QSOX1: variants seen among roughly 807,000 people sequenced by gnomAD.
The protein encoded by QSOX1 is quiescin sulfhydryl oxidase 1.
QSOX1 carries 40 observed loss-of-function variants against 76.1 expected under a neutral mutation model. That is an observed-to-expected ratio of 0.53 (90% CI 0.41 to 0.68). The LOEUF (loss-of-function observed/expected upper bound fraction) is 0.68, where lower values mean the gene tolerates loss of function less well. QSOX1 is among the 30% of genes least tolerant of loss of function. The pLI is 0.00. For missense variants in QSOX1, 931 were observed against 974.3 expected, an observed-to-expected ratio of 0.96 and a Z score of 0.59; for synonymous variants, 392 against 413.1, an observed-to-expected ratio of 0.95 and a Z score of 0.62.
At chr1:180,172,140 C>G (rs980789013) in intron 2 of QSOX1, among the ~76,000 whole-genome samples, 1 of 152,148 alleles carries the variant, frequency 6.6e-6, no homozygotes, top group Non-Finnish European at 1.5e-5. Flanking sequence ...AGGAGGGCCT[C>G]TCTTCATCCC....
chr1:180,167,168 C>T (rs1264556783), intron 2 of QSOX1, among the ~76,000 whole-genome samples: 1 of 152,208 alleles, frequency 6.6e-6, no homozygotes, highest in East Asian at 1.9e-4. Context: ...GAACAGCTTC[C>T]AAGGCTCTCA....
intron 1 of QSOX1, among the ~76,000 whole-genome samples, chr1:180,156,998 C>A (rs538118043): frequency 1.3e-4 from 20 of 152,314 alleles, no homozygotes; most frequent in African/African-American, 4.8e-4. Context: ...TGGCCTCTTG[C>A]AATGCAGAGT....
intron 7 of QSOX1, among the ~76,000 whole-genome samples, chr1:180,185,723 C>T (rs895176566): frequency 3.9e-5 from 6 of 152,146 alleles, no homozygotes; most frequent in Admixed American, 1.3e-4. Flanking sequence ...GGAGGGGTGG[C>T]TGTGGGCCTG....
chr1:180,183,524 G>A (rs1663091278), intron 6 of QSOX1, among the ~76,000 whole-genome samples: 1 of 152,214 alleles, frequency 6.6e-6, no homozygotes, highest in African/African-American at 2.4e-5. Flanking sequence ...TGGATGGGCA[G>A]CTGCCATATT....
chr1:180,197,052 A>G lies in QSOX1; in HGVS notation c.*15A>G. On this transcript the variant is annotated 3_prime_UTR_variant, in exon 12 of 12. Transcript: ENST00000367602. The stretch of plus-strand genomic sequence containing the variant: ...CTGCAGCCTGAACCACCTGGGGAGG[A>G]GGCGGGAGAGGGAGCTGCCATCTCT... 1 of 1,591,588 alleles carries G rather than the reference A, an allele frequency of 6.3e-7. No homozygotes were observed. The highest frequency in any genetic ancestry group is 8.6e-7 in the Non-Finnish European group (1 of 1,169,490).
intron 1 of QSOX1, among the ~76,000 whole-genome samples, chr1:180,160,611 A>G (rs543846753): frequency 6.6e-6 from 1 of 152,298 alleles, no homozygotes; most frequent in East Asian, 1.9e-4. Context: ...TTCTAACTAC[A>G]GCATTATCCT....
intron 5 of QSOX1, among the ~76,000 whole-genome samples, chr1:180,180,911 A>G (rs999493997): frequency 3.3e-5 from 5 of 152,198 alleles, no homozygotes; most frequent in Non-Finnish European, 7.3e-5. Context: ...TTCTCAGAAC[A>G]GCCCCCCTGA....
intron 2 of QSOX1, among the ~76,000 whole-genome samples, chr1:180,171,602 C>T (rs1053403934): frequency 2.6e-5 from 4 of 152,170 alleles, no homozygotes; most frequent in African/African-American, 9.7e-5. Context: ...GTTCATTGAT[C>T]CCTTTATCCA....
intron 1 of QSOX1, among the ~76,000 whole-genome samples, chr1:180,159,934 T>C (rs960692954): frequency 5.3e-5 from 8 of 152,222 alleles, no homozygotes; most frequent in African/African-American, 1.9e-4. Context: ...CTACTCTCAG[T>C]AATCATCGTT....
intron 2 of QSOX1, among the ~76,000 whole-genome samples, chr1:180,170,646 C>T (rs977839254): frequency 6.6e-6 from 1 of 152,218 alleles, no homozygotes; most frequent in African/African-American, 2.4e-5. Context: ...AAGCAACACA[C>T]TCCCAGAGTC....
intron 10 of QSOX1, among the ~76,000 whole-genome samples, chr1:180,193,274 C>G (rs1293177957): frequency 6.6e-6 from 1 of 151,916 alleles, no homozygotes; most frequent in Non-Finnish European, 1.5e-5. Flanking sequence ...GTAACCCGAG[C>G]AGCAGCGGAG....
Position 180,200,741 on chromosome 1 carries a change from C to G in QSOX1, c.*3704C>G, listed in dbSNP as rs766674424. ...TTCTCCCAAATGGTGAGAGGTAGAT[C>G]CAGGACTTGACCCCAGATCCCACCC... On this transcript the variant is annotated 3_prime_UTR_variant, in exon 12 of 12. Coordinates refer to ENST00000367602, the MANE Select transcript of QSOX1 (RefSeq NM_002826.5). 2.0e-5 allele frequency: 3 copies of G among 152,202 alleles called. No individual in the cohort carries two copies. Among genetic ancestry groups the G allele is most frequent in the Non-Finnish European group, 4.4e-5 (3 of 68,042 alleles). 9.4% of individuals were successfully genotyped at this position (152,202 alleles called of 1,614,324 possible).
intron 8 of QSOX1, among the ~76,000 whole-genome samples, chr1:180,188,772 A>T (rs1169489702): frequency 6.6e-6 from 1 of 152,172 alleles, no homozygotes; most frequent in Non-Finnish European, 1.5e-5. Context: ...CAGGGTCCTC[A>T]TCCCCTCGGC....
At position 180,154,975 on chromosome 1, in the gene QSOX1, C is replaced by T. The variant is rs767868738; in HGVS notation, c.68C>T (p.Ala23Val). The change falls in exon 1 of 12, where the codon GCG (alanine) becomes GTG (valine). Residue 23 changes from alanine to valine, a missense_variant. Coordinates refer to ENST00000367602, the MANE Select transcript of QSOX1 (RefSeq NM_002826.5). ...CTGCTGCTGCTGCTGTGGCTGCTCG[C>T]GGTTCCCGGCGCTAACGCGGCCCCG... The part of the protein sequence containing the change: ...SLLLLLLWLL[A>V]VPGANAAPRS... 166 of 1,506,296 alleles carry T rather than the reference C, an allele frequency of 1.1e-4. No individual in the cohort carries two copies. The African/African-American group carries it at 1.9e-3, about 18-fold the overall frequency. 93.3% of individuals were successfully genotyped at this position (1,506,296 alleles called of 1,614,324 possible). A position where few individuals can be genotyped will look rare whatever the true frequency, so the allele number is the denominator to read the frequency against.
Position 180,185,557 on chromosome 1 carries a change from T to G in QSOX1, c.888-496T>G, listed in dbSNP as rs1003986852. On this transcript the variant is annotated intron_variant, in intron 7 of 11. Coordinates refer to ENST00000367602, the MANE Select transcript of QSOX1 (RefSeq NM_002826.5). ...GAAATACAGGCCCTGCTTCCCCTCC[T>G]GCCCCCAGTCGCCATTTCCCAGACT... Among the ~76,000 whole-genome samples, 76 of 152,224 alleles carry G rather than the reference T, an allele frequency of 5.0e-4. 1 individual carries two copies. The highest frequency in any genetic ancestry group is 1.3e-4 in the Non-Finnish European group (9 of 68,038).
chr1:180,203,088 A>T lies in QSOX1; in HGVS notation c.*6051A>T, dbSNP rs979594059. 1.1e-4 allele frequency: 17 copies of T among 151,896 alleles called. No homozygotes were observed. Among genetic ancestry groups the T allele is most frequent in the African/African-American group, 3.9e-4 (16 of 41,362 alleles). The allele number at this position is 151,896 out of a possible 1,614,324, so 9.4% of individuals were successfully genotyped here. A position where few individuals can be genotyped will look rare whatever the true frequency, so the allele number is the denominator to read the frequency against. On this transcript the variant is annotated 3_prime_UTR_variant, in exon 12 of 12. Coordinates refer to ENST00000367602, the MANE Select transcript of QSOX1 (RefSeq NM_002826.5). ...TCTGTCTCAAAAAAATAAAAAAATA[A>T]AAATAAAAAAATAAAGTAAAGCTAC... is the stretch of plus-strand genomic sequence containing the variant.
chr1:180,186,222 C>A (rs777033046), intron 8 of QSOX1, 40 bp downstream of exon 8: 4 of 1,581,300 alleles, frequency 2.5e-6, no homozygotes, highest in South Asian at 1.2e-5. Flanking sequence ...TGCAATTCTA[C>A]GGATGGTCAG....
chr1:180,200,880 T>G lies in QSOX1; in HGVS notation c.*3843T>G, dbSNP rs1663622750. The G allele has an allele frequency of 6.6e-6, 1 of 152,288 alleles. No homozygotes were observed. The highest frequency in any genetic ancestry group is 2.1e-4 in the South Asian group (1 of 4,828). 9.4% of individuals were successfully genotyped at this position (152,288 alleles called of 1,614,324 possible). A position where few individuals can be genotyped will look rare whatever the true frequency, so the allele number is the denominator to read the frequency against. ...CTGAGACTTTATATGGTGGTGCTGC[T>G]GGGTGCCAGCCCTTCTTCCCTCCAA... On this transcript the variant is annotated 3_prime_UTR_variant, in exon 12 of 12. Transcript: ENST00000367602.
chr1:180,183,767 C>T (rs553185011), intron 6 of QSOX1, 149 bp from the exon 7 acceptor site: 1 of 919,994 alleles, frequency 1.1e-6, no homozygotes, highest in Non-Finnish European at 1.6e-6. Context: ...CGTCTTCTGG[C>T]CTCACAGAGG....
Sources: gnomAD v4.1 joint callset for allele counts (sites outside exome capture counted in the v4.1 genomes callset) on GRCh38, gnomAD v4.1.1 for gene constraint, MANE v1.5 for transcripts, NCBI Gene and HGNC (gene_info 2026-07-23, HGNC 2026-07-21) for gene names.